Variants in MEF2C observed in about 807,000 individuals in gnomAD.
MEF2C encodes myocyte enhancer factor 2C, also known as myocyte-specific enhancer factor 2C.
In MEF2C, 6 loss-of-function variants were observed where a neutral mutation model predicts 50.5. The observed-to-expected ratio is 0.12, with a 90% CI of 0.07 to 0.23. MEF2C has a LOEUF of 0.23. MEF2C is among the 10% of genes least tolerant of loss of function. The pLI, the probability that MEF2C is intolerant of heterozygous loss-of-function variation, is 1.00. For missense variants in MEF2C, 276 were observed against 605.0 expected, an observed-to-expected ratio of 0.46 and a Z score of 5.70; for synonymous variants, 183 against 228.0, an observed-to-expected ratio of 0.80 and a Z score of 1.78.
At chr5:88,823,425 T>C (rs1809379986) in intron 2 of MEF2C, among the ~76,000 whole-genome samples, 1 of 151,980 alleles carries the variant, frequency 6.6e-6, no homozygotes, top group South Asian at 2.1e-4. Flanking sequence ...GCGTGCAATG[T>C]AGCAATGTTA....
intron 4 of MEF2C, among the ~76,000 whole-genome samples, chr5:88,760,719 T>C (rs868098418): frequency 2.0e-5 from 3 of 152,326 alleles, no homozygotes; most frequent in Admixed American, 6.5e-5. Context: ...TTTAAAAGAT[T>C]GTGTAAATTT....
intron 1 of MEF2C, among the ~76,000 whole-genome samples, chr5:88,845,524 G>T (rs1344829717): frequency 6.6e-6 from 1 of 152,148 alleles, no homozygotes; most frequent in Non-Finnish European, 1.5e-5. Context: ...TTGAGGAAGA[G>T]TACACTTTCA....
At chr5:88,798,834 A>G (rs923337834) in intron 3 of MEF2C, among the ~76,000 whole-genome samples, 4 of 152,096 alleles carry the variant, frequency 2.6e-5, no homozygotes, top group Non-Finnish European at 2.9e-5. Context: ...TGGTGCAGAC[A>G]TCCTTTTTGT....
chr5:88,796,673 T>A (rs1040822652), intron 3 of MEF2C, among the ~76,000 whole-genome samples: 5 of 152,126 alleles, frequency 3.3e-5, no homozygotes, highest in Non-Finnish European at 5.9e-5. Context: ...TGCCAGCTTT[T>A]GTTTGTTCTT....
At chr5:88,765,191 T>C (rs1779524437) in intron 3 of MEF2C, among the ~76,000 whole-genome samples, 1 of 152,214 alleles carries the variant, frequency 6.6e-6, no homozygotes, top group Non-Finnish European at 1.5e-5. Context: ...AATTGTGTTA[T>C]TTAAAAAAGA....
At chr5:88,873,482 C>T (rs1053542129) in intron 1 of MEF2C, among the ~76,000 whole-genome samples, 2 of 151,802 alleles carry the variant, frequency 1.3e-5, no homozygotes, top group Non-Finnish European at 2.9e-5. Flanking sequence ...ACAATGAAAA[C>T]GGAAGGAAAA....
intron 1 of MEF2C, among the ~76,000 whole-genome samples, chr5:88,901,525 CT>C (rs1266547696): frequency 6.8e-6 from 1 of 148,118 alleles, no homozygotes; most frequent in African/African-American, 2.5e-5. Flanking sequence ...TTCCAAGTGT[CT>C]TTCTGAAACA....
rs1258355114 is a variant in MEF2C, at chr5:88,721,805, T to C, written c.*799A>G. ...TGGTTTTTTACAGGACTGTTTAAAA[T>C]ATTAGCGAAGCTATCAAGGGGAAAA... On this transcript the variant is annotated 3_prime_UTR_variant, in exon 11 of 11. Coordinates refer to ENST00000504921, the MANE Select transcript of MEF2C (RefSeq NM_002397.5). 6.6e-6 allele frequency: 1 copy of C among 152,636 alleles called. No homozygotes were observed. The highest frequency in any genetic ancestry group is 1.5e-5 in the Non-Finnish European group (1 of 68,012). 9.5% of individuals were successfully genotyped at this position (152,636 alleles called of 1,614,324 possible). A position where few individuals can be genotyped will look rare whatever the true frequency, so the allele number is the denominator to read the frequency against.
chr5:88,858,683 A>G (rs1160137234), intron 1 of MEF2C, among the ~76,000 whole-genome samples: 1 of 151,994 alleles, frequency 6.6e-6, no homozygotes, highest in Non-Finnish European at 1.5e-5. Context: ...TCAGTTAGTT[A>G]CTCCTTGGAG....
chr5:88,875,061 A>C (rs1056263187), intron 1 of MEF2C, among the ~76,000 whole-genome samples: 3 of 152,030 alleles, frequency 2.0e-5, no homozygotes, highest in Non-Finnish European at 2.9e-5. Context: ...CATGGGTAAC[A>C]GTTGAAAATG....
intron 3 of MEF2C, among the ~76,000 whole-genome samples, chr5:88,801,729 G>A (rs1467101100): frequency 2.6e-5 from 4 of 151,990 alleles, no homozygotes; most frequent in South Asian, 2.1e-4. Flanking sequence ...CTCATGATGC[G>A]CCTGCCTTGG....
chr5:88,730,653 C>T (rs1761061651), intron 7 of MEF2C, among the ~76,000 whole-genome samples: 1 of 152,160 alleles, frequency 6.6e-6, no homozygotes, highest in South Asian at 2.1e-4. Context: ...TAGAGATGGC[C>T]TGCCATGCAC....
intron 1 of MEF2C, among the ~76,000 whole-genome samples, chr5:88,880,326 T>C (rs1832431482): frequency 6.6e-6 from 1 of 152,188 alleles, no homozygotes. Context: ...CATATTAAAT[T>C]CTTCTATGTT....
chr5:88,866,744 T>G (rs1827525679), intron 1 of MEF2C, among the ~76,000 whole-genome samples: 1 of 152,216 alleles, frequency 6.6e-6, no homozygotes, highest in Non-Finnish European at 1.5e-5. Context: ...GTTTTAAAGT[T>G]TTGTTGTTTT....
chr5:88,738,424 C>A (rs1765042641), intron 6 of MEF2C: 1 of 956,870 alleles, frequency 1.0e-6, no homozygotes, highest in African/African-American at 1.8e-5. Context: ...CACTTTTAAT[C>A]TTCACAAGAA....
chr5:88,862,879 C>A (rs2153427726), intron 1 of MEF2C, among the ~76,000 whole-genome samples: 1 of 152,378 alleles, frequency 6.6e-6, no homozygotes, highest in Non-Finnish European at 1.5e-5. Flanking sequence ...GCACTTCCTA[C>A]TTCTGATACC....
chr5:88,741,842 G>A, intron 6 of MEF2C: 1 of 985,064 alleles, frequency 1.0e-6, no homozygotes, highest in African/African-American at 1.7e-5. Context: ...CAATTGAAAT[G>A]GAGCAATAAT....
chr5:88,750,845 A>G (rs1385353014), intron 5 of MEF2C, among the ~76,000 whole-genome samples: 1 of 152,224 alleles, frequency 6.6e-6, no homozygotes, highest in Non-Finnish European at 1.5e-5. Flanking sequence ...AGGCAGATAT[A>G]TAAGTATTCT....
chr5:88,780,693 C>T, intron 3 of MEF2C: 1 of 868,982 alleles, frequency 1.2e-6, no homozygotes, highest in Non-Finnish European at 1.4e-6. Context: ...TTAACAATAT[C>T]ATCACACTAA....
Sources: allele counts gnomAD v4.1 joint callset (sites outside exome capture counted in the v4.1 genomes callset), GRCh38; gene constraint gnomAD v4.1.1; transcripts MANE v1.5; gene names NCBI Gene and HGNC (gene_info 2026-07-23, HGNC 2026-07-21).